The following EIF4A3 variants were observed in gnomAD, a reference collection of about 807,000 sequenced individuals.
The protein encoded by EIF4A3 is eukaryotic translation initiation factor 4A3.
A neutral mutation model predicts 55.6 loss-of-function variants in EIF4A3; 1 was observed. The observed-to-expected ratio is 0.02, with a 90% CI of 0.01 to 0.09. The LOEUF (loss-of-function observed/expected upper bound fraction) is 0.09. Among genes scored for constraint, EIF4A3 ranks in the 10% least tolerant of loss-of-function variants. The pLI, the probability that EIF4A3 is intolerant of heterozygous loss-of-function variation, is 1.00. For missense variants in EIF4A3, 221 were observed against 540.7 expected, an observed-to-expected ratio of 0.41 and a Z score of 5.86; for synonymous variants, 194 against 196.3, an observed-to-expected ratio of 0.99 and a Z score of 0.10.
At chr17:80,140,841 G>T (rs1257390176) in intron 4 of EIF4A3, among the ~76,000 whole-genome samples, 1 of 151,170 alleles carries the variant, frequency 6.6e-6, no homozygotes, top group East Asian at 1.9e-4. Flanking sequence ...TTCTTGCCCA[G>T]ACTAGAGTAC....
chr17:80,135,953 A>C, intron 11 of EIF4A3, 51 bp downstream of exon 11: 1 of 1,569,908 alleles, frequency 6.4e-7, no homozygotes, highest in Non-Finnish European at 8.6e-7. Context: ...CCCCAAACTA[A>C]GAATAGGGAA....
rs149340480 is a variant in EIF4A3, at chr17:80,142,402, C to A, written c.243-554G>T. ...CTCTGACCTTCTGCTCTCCTTTCACCTGCTCCACAGCAGGGCTCTAATCTT... is the reference window on the plus strand; with the variant it reads ...CTCTGACCTTCTGCTCTCCTTTCACATGCTCCACAGCAGGGCTCTAATCTT... On this transcript the variant is annotated intron_variant, in intron 2 of 11. Transcript: ENST00000649764. Among the ~76,000 whole-genome samples, 348 of 152,276 alleles carry A rather than the reference C, an allele frequency of 2.3e-3. 2 individuals carry two copies. Among genetic ancestry groups the A allele is most frequent in the African/African-American group, 8.0e-3 (331 of 41,554 alleles).
In EIF4A3 at chr17:80,135,288, A is replaced by T. The variant is rs767779903; in HGVS notation, c.*202T>A. ...AAAAGTTTTAAATTTTTAATGAAAA[A>T]GACTTAGAACAATGTATTATTTACA... On this transcript the variant is annotated 3_prime_UTR_variant, in exon 12 of 12. Transcript: ENST00000649764. The T allele has an allele frequency of 1.2e-5, 6 of 498,114 alleles. No homozygotes were observed. Among genetic ancestry groups the T allele is most frequent in the Non-Finnish European group, 2.0e-5 (6 of 293,118 alleles). The allele number at this position is 498,114 out of a possible 1,614,324, so 30.9% of individuals were successfully genotyped here.
chr17:80,145,745 T>C lies in EIF4A3; in HGVS notation c.169+1048A>G, dbSNP rs369337231. 3.8e-4 allele frequency among the ~76,000 whole-genome samples: 58 copies of C among 152,316 alleles called. No individual in the cohort carries two copies. In the South Asian group the frequency reaches 0.012, roughly 30 times the overall value. On this transcript the variant is annotated intron_variant, in intron 1 of 11. Transcript: ENST00000649764. ...TTCAAACATACCAAGAGACAGCTCC[T>C]GATTCTGACTCTCTGGAGTGCTGCC...
intron 1 of EIF4A3, among the ~76,000 whole-genome samples, chr17:80,145,424 C>T (rs148361458): frequency 1.9e-4 from 29 of 152,164 alleles, no homozygotes; most frequent in African/African-American, 5.8e-4. Context: ...ATTAGTAGGA[C>T]GTGGTGGCCC....
intron 1 of EIF4A3, among the ~76,000 whole-genome samples, chr17:80,146,036 T>C (rs2039660034): frequency 6.6e-6 from 1 of 152,118 alleles, no homozygotes; most frequent in African/African-American, 2.4e-5. Context: ...GTCACATAGC[T>C]ACTTAAAACC....
intron 9 of EIF4A3, chr17:80,136,810 G>GAAAAAAAAAAA (rs3035988): frequency 7.5e-6 from 1 of 132,636 alleles, no homozygotes; most frequent in African/African-American, 2.9e-5. Flanking sequence ...TACTAAAAAT[G>GAAAAAAAAAAA]AAAAAAAAAA....
chr17:80,138,375 A>G, intron 7 of EIF4A3, 95 bp from the exon 8 acceptor site: 1 of 1,501,266 alleles, frequency 6.7e-7, no homozygotes. Flanking sequence ...CTGGTGGAAA[A>G]GGTCACACCG....
At chr17:80,142,598 A>T (rs1159415124) in intron 2 of EIF4A3, among the ~76,000 whole-genome samples, 1 of 152,190 alleles carries the variant, frequency 6.6e-6, no homozygotes, top group African/African-American at 2.4e-5. Context: ...ACAAAAAACT[A>T]ACCAGGAACG....
At chr17:80,139,425 C>T in intron 6 of EIF4A3, 1 of 611,776 alleles carries the variant, frequency 1.6e-6, no homozygotes, top group Non-Finnish European at 2.8e-6. Flanking sequence ...ATCAAGAAAC[C>T]CACCCCGAGA....
Position 80,135,229 on chromosome 17 carries a change from G to T in EIF4A3, c.*261C>A. 1 of 392,030 alleles carries T rather than the reference G, an allele frequency of 2.6e-6. No homozygotes were observed. Among genetic ancestry groups the T allele is most frequent in the Non-Finnish European group, 4.6e-6 (1 of 218,550 alleles). 24.3% of individuals were successfully genotyped at this position (392,030 alleles called of 1,614,324 possible). ...GACTACACAGTAAGTTACTAGAGAA[G>T]GTGGTGGCACCTTAGAAGTATAGAG... On this transcript the variant is annotated 3_prime_UTR_variant, in exon 12 of 12. Coordinates refer to ENST00000649764, the MANE Select transcript of EIF4A3 (RefSeq NM_014740.4).
chr17:80,139,256 G>A (rs2039598719), intron 6 of EIF4A3, 94 bp from the exon 7 acceptor site: 5 of 1,515,076 alleles, frequency 3.3e-6, no homozygotes, highest in Non-Finnish European at 3.6e-6. Context: ...GTTAGAGGCA[G>A]AGTGGTGATA....
In EIF4A3 at chr17:80,144,182, C is replaced by T; in HGVS notation, c.232G>A (p.Val78Ile). ...CCCAGGACAACTTACTGTGCGATGA[C>T]ATCTCTCCCTTTGATGATCTGCTTG... is the stretch of plus-strand genomic sequence containing the variant. ...AIKQIIKGRDVIAQSQSGTGK... is the reference protein window; with the variant it reads ...AIKQIIKGRDIIAQSQSGTGK... Residue 78 changes from valine to isoleucine, a missense_variant, in exon 2 of 12, where the codon GTC becomes ATC. By Grantham distance (29) the Val-to-Ile change is conservative (BLOSUM62 3). Coordinates refer to ENST00000649764, the MANE Select transcript of EIF4A3 (RefSeq NM_014740.4). 3 of 1,614,106 alleles carry T rather than the reference C, an allele frequency of 1.9e-6. No homozygotes were observed. Among genetic ancestry groups the T allele is most frequent in the Non-Finnish European group, 8.5e-7 (1 of 1,179,992 alleles).
At chr17:80,141,281 A>G (rs745819048) in intron 4 of EIF4A3, 38 bp downstream of exon 4, 1 of 1,583,652 alleles carries the variant, frequency 6.3e-7, no homozygotes, top group Non-Finnish European at 8.7e-7. Context: ...CAAAAGCAGT[A>G]CTTGTTAATC....
Position 80,135,477 on chromosome 17 carries a change from C to G in EIF4A3, c.*13G>C, listed in dbSNP as rs1426419445. The G allele has an allele frequency of 7.7e-6, 12 of 1,556,850 alleles. No individual in the cohort carries two copies. Among genetic ancestry groups the G allele is most frequent in the African/African-American group, 1.4e-5 (1 of 73,530 alleles). On this transcript the variant is annotated 3_prime_UTR_variant, in exon 12 of 12. Coordinates refer to ENST00000649764, the MANE Select transcript of EIF4A3 (RefSeq NM_014740.4). ...CAGGTGAACAGTCTCCCTCATCCCA[C>G]TGATCTGCTGCTTCAGATAAGATCA...
At chr17:80,137,717 TG>T (rs1216768998) in intron 8 of EIF4A3, 2 of 531,404 alleles carry the variant, frequency 3.8e-6, no homozygotes, top group Non-Finnish European at 6.7e-6. Context: ...CTCCATATAA[TG>T]ACTCTATGGG....
intron 11 of EIF4A3, 155 bp downstream of exon 11, chr17:80,135,849 C>T (rs1382087144): frequency 8.3e-6 from 8 of 962,592 alleles, no homozygotes; most frequent in East Asian, 2.5e-5. Flanking sequence ...GAGCCGAAAT[C>T]GCGCCACTGC....
At chr17:80,142,966 T>A (rs2039629849) in intron 2 of EIF4A3, among the ~76,000 whole-genome samples, 1 of 152,074 alleles carries the variant, frequency 6.6e-6, no homozygotes, top group African/African-American at 2.4e-5. Context: ...TTGAGGCTGC[T>A]ATGAGCTGTA....
intron 5 of EIF4A3, 34 bp downstream of exon 5, chr17:80,139,974 C>G: frequency 6.2e-7 from 1 of 1,602,064 alleles, no homozygotes; most frequent in Non-Finnish European, 8.5e-7. Context: ...CAAATACTAC[C>G]GGCAGCACCA....
Sources: allele counts gnomAD v4.1 joint callset (sites outside exome capture counted in the v4.1 genomes callset), GRCh38; gene constraint gnomAD v4.1.1; transcripts MANE v1.5; gene names NCBI Gene and HGNC (gene_info 2026-07-23, HGNC 2026-07-21).